Variants in COPG2 observed in about 807,000 individuals in gnomAD.
COPG2 encodes the protein coatomer subunit gamma-2.
Under a neutral mutation model 46.3 loss-of-function variants are expected in COPG2, and 37 were observed. The observed-to-expected ratio is 0.80, with a 90% CI of 0.61 to 1.05. COPG2 has a LOEUF of 1.05. Ranked by LOEUF, COPG2 falls within the 50% of genes least tolerant of loss-of-function variation. The pLI, the probability that COPG2 is intolerant of heterozygous loss-of-function variation, is 0.00. For missense variants in COPG2, 427 were observed against 387.8 expected, an observed-to-expected ratio of 1.10 and a Z score of -0.85; for synonymous variants, 159 against 129.7, an observed-to-expected ratio of 1.23 and a Z score of -1.53.
chr7:130,650,094 C>T (rs1795707151), intron 5 of COPG2, among the ~76,000 whole-genome samples: 1 of 152,084 alleles, frequency 6.6e-6, no homozygotes, highest in Non-Finnish European at 1.5e-5. Flanking sequence ...GCCCTCTTCC[C>T]CCATCTCCAA....
At chr7:130,535,268 A>G (rs1799867367) in intron 20 of COPG2, among the ~76,000 whole-genome samples, 2 of 152,268 alleles carry the variant, frequency 1.3e-5, no homozygotes, top group South Asian at 4.1e-4. Flanking sequence ...AAAGGCTTCA[A>G]GAAAGAATGT....
At chr7:130,590,624 T>C (rs1481164539) in intron 9 of COPG2, among the ~76,000 whole-genome samples, 22 of 152,014 alleles carry the variant, frequency 1.4e-4, no homozygotes, top group African/African-American at 4.1e-4. Context: ...ACCTCCCAGC[T>C]GCCTGCCTTG....
chr7:130,640,513 T>C (rs1356868730), intron 5 of COPG2, among the ~76,000 whole-genome samples: 1 of 152,080 alleles, frequency 6.6e-6, no homozygotes, highest in Non-Finnish European at 1.5e-5. Context: ...TGGCTAGAAT[T>C]AGAAGTCTCC....
At chr7:130,551,449 C>G (rs1000446192) in intron 15 of COPG2, 105 bp from the exon 16 acceptor site, 14 of 393,414 alleles carry the variant, frequency 3.6e-5, no homozygotes, top group African/African-American at 2.9e-4. Flanking sequence ...CTGATACTAC[C>G]TTTAAAAAAG....
At chr7:130,637,217 C>T (rs11760309) in intron 5 of COPG2, among the ~76,000 whole-genome samples, 30,914 of 152,032 alleles carry the variant, frequency 0.2, 3,324 homozygotes, top group Middle Eastern at 0.25. Flanking sequence ...TTGCTCTTCT[C>T]GAGGAGTATC....
At chr7:130,595,888 G>T (rs555524858) in intron 9 of COPG2, among the ~76,000 whole-genome samples, 4 of 152,174 alleles carry the variant, frequency 2.6e-5, no homozygotes, top group Non-Finnish European at 5.9e-5. Context: ...CCAGCAGTTG[G>T]TAAGTCCCAT....
Position 130,507,280 on chromosome 7 carries a change from G to A in COPG2, c.2479C>T (p.Leu827=). The change falls in exon 23 of 24, where the codon CTG becomes TTG. Residue 827 remains leucine (L), a synonymous_variant. Coordinates refer to ENST00000425248, the MANE Select transcript of COPG2 (RefSeq NM_012133.6). ...TCTGATGGAAGCTTCTTACCTGCCA[G>A]ATAGAGCGAATGGGAATTCTTGTTC... ...PENKNSHSLY[L]AGIFRGGYDL... 2.6e-6 allele frequency: 2 copies of A among 780,716 alleles called. No individual in the cohort carries two copies. The highest frequency in any genetic ancestry group is 4.8e-6 in the Non-Finnish European group (2 of 417,838). 48.4% of individuals were successfully genotyped at this position (780,716 alleles called of 1,614,324 possible).
chr7:130,579,557 T>C (rs1347924810), intron 9 of COPG2, among the ~76,000 whole-genome samples: 18 of 152,002 alleles, frequency 1.2e-4, no homozygotes, highest in African/African-American at 3.6e-4. Context: ...GACTGGCAAA[T>C]TGGATAAAGA....
At chr7:130,569,721 C>G (rs1410158464) in intron 9 of COPG2, among the ~76,000 whole-genome samples, 1 of 151,886 alleles carries the variant, frequency 6.6e-6, no homozygotes, top group Non-Finnish European at 1.5e-5. Context: ...GCCAGTATAA[C>G]CCTAATACCA....
intron 5 of COPG2, among the ~76,000 whole-genome samples, chr7:130,621,029 C>T (rs1795030388): frequency 6.6e-6 from 1 of 152,060 alleles, no homozygotes; most frequent in Non-Finnish European, 1.5e-5. Context: ...TTGGGTGAGT[C>T]CTAAATGTAA....
chr7:130,649,243 T>C (rs1313465829), intron 5 of COPG2, among the ~76,000 whole-genome samples: 1 of 152,252 alleles, frequency 6.6e-6, no homozygotes, highest in African/African-American at 2.4e-5. Flanking sequence ...GTGACTCCTT[T>C]GGCTTTTTCT....
At chr7:130,663,204 C>T (rs6467312) in intron 3 of COPG2, among the ~76,000 whole-genome samples, 166 bp from the exon 4 acceptor site, 121,917 of 152,106 alleles carry the variant, frequency 0.8, 49,104 homozygotes, top group Non-Finnish European at 0.85. Context: ...GCTTTCAATG[C>T]ATAAACCCAC....
chr7:130,556,197 CATT>C (rs1793620076), intron 12 of COPG2, among the ~76,000 whole-genome samples: 2 of 152,126 alleles, frequency 1.3e-5, no homozygotes, highest in African/African-American at 2.4e-5. Flanking sequence ...CGAAGGAAAA[CATT>C]ATTATATTGG....
chr7:130,646,233 T>G (rs542484476), intron 5 of COPG2, among the ~76,000 whole-genome samples: 147 of 152,368 alleles, frequency 9.6e-4, no homozygotes, highest in African/African-American at 3.1e-3. Context: ...TGGCTATTGC[T>G]GCTGTTAATC....
At chr7:130,578,199 C>G (rs1243584734) in intron 9 of COPG2, among the ~76,000 whole-genome samples, 1 of 137,244 alleles carries the variant, frequency 7.3e-6, no homozygotes, top group Non-Finnish European at 1.6e-5. Flanking sequence ...CCCTGACCCC[C>G]GAGCAGCCTA....
chr7:130,577,588 C>T (rs1448580311), intron 9 of COPG2, among the ~76,000 whole-genome samples: 2 of 151,308 alleles, frequency 1.3e-5, no homozygotes, highest in Non-Finnish European at 2.9e-5. Flanking sequence ...GGTGAAACCC[C>T]GTCTCTACTA....
At chr7:130,666,041 A>G (rs1368267764) in intron 3 of COPG2, among the ~76,000 whole-genome samples, 1 of 152,134 alleles carries the variant, frequency 6.6e-6, no homozygotes, top group Non-Finnish European at 1.5e-5. Context: ...TATGTTCAGG[A>G]CTATTCTCAG....
intron 5 of COPG2, among the ~76,000 whole-genome samples, chr7:130,621,925 C>G (rs1795045355): frequency 9.1e-6 from 1 of 109,676 alleles, no homozygotes; most frequent in South Asian, 3.1e-4. Flanking sequence ...CCCTGGGAGA[C>G]AGAGCGAGAC....
intron 20 of COPG2, among the ~76,000 whole-genome samples, chr7:130,513,427 G>A (rs1769770607): frequency 7.0e-6 from 1 of 142,048 alleles, no homozygotes; most frequent in African/African-American, 2.7e-5. Flanking sequence ...ATATGTATGG[G>A]TAGGGAAGGG....
Sources: gnomAD v4.1 joint callset for allele counts (sites outside exome capture counted in the v4.1 genomes callset) on GRCh38, gnomAD v4.1.1 for gene constraint, MANE v1.5 for transcripts, NCBI Gene and HGNC (gene_info 2026-07-23, HGNC 2026-07-21) for gene names.